KCNK2: variants seen among roughly 807,000 people sequenced by gnomAD.
KCNK2 encodes potassium channel subfamily K member 2.
In KCNK2, 21 loss-of-function variants were observed where a neutral mutation model predicts 40.5. That is an observed-to-expected ratio of 0.52 (90% CI 0.37 to 0.75). The LOEUF (loss-of-function observed/expected upper bound fraction) is 0.75. Among genes scored for constraint, KCNK2 ranks in the 30% least tolerant of loss-of-function variants. The probability of loss-of-function intolerance (pLI) is 0.00; values close to 1 mark genes in which losing one functional copy is unlikely to be tolerated. For missense variants in KCNK2, 399 were observed against 531.6 expected, an observed-to-expected ratio of 0.75 and a Z score of 2.45; for synonymous variants, 191 against 202.2, an observed-to-expected ratio of 0.94 and a Z score of 0.47.
intron 1 of KCNK2, among the ~76,000 whole-genome samples, chr1:215,072,121 G>A (rs1440979546): frequency 6.6e-6 from 1 of 152,166 alleles, no homozygotes; most frequent in African/African-American, 2.4e-5. Flanking sequence ...GTTGAAGTGA[G>A]ATATTTTAAC....
intron 5 of KCNK2, among the ~76,000 whole-genome samples, chr1:215,193,843 G>A (rs1039762734): frequency 3.3e-5 from 5 of 151,976 alleles, no homozygotes; most frequent in South Asian, 2.1e-4. Flanking sequence ...CCCAATACAT[G>A]TGGAGATTCA....
chr1:215,104,905 A>G (rs1313980514), intron 2 of KCNK2, among the ~76,000 whole-genome samples: 1 of 151,760 alleles, frequency 6.6e-6, no homozygotes, highest in African/African-American at 2.4e-5. Flanking sequence ...TCATAACCTG[A>G]TTATCTCATT....
rs543257957 is a variant in KCNK2 at position 215,194,901 on chromosome 1, G to T, written c.824-52G>T. 7.0e-6 allele frequency: 11 copies of T among 1,573,396 alleles called. No homozygotes were observed. In the East Asian group the frequency reaches 2.5e-4, roughly 36 times the overall value. ...TAGTAATTTTAGCAATACCTAGATT[G>T]TTTACTTTTAAGACTATGAAGTTAT... On this transcript the variant is annotated intron_variant, in intron 5 of 6. Coordinates refer to ENST00000444842, the MANE Select transcript of KCNK2 (RefSeq NM_001017425.3).
intron 1 of KCNK2, among the ~76,000 whole-genome samples, chr1:215,018,845 T>A (rs1656684582): frequency 6.6e-6 from 1 of 152,074 alleles, no homozygotes; most frequent in East Asian, 1.9e-4. Flanking sequence ...TCTTAAAAGA[T>A]CACCCTGGCT....
chr1:215,103,684 A>G (rs184545177), intron 2 of KCNK2, among the ~76,000 whole-genome samples: 1 of 152,208 alleles, frequency 6.6e-6, no homozygotes, highest in African/African-American at 2.4e-5. Flanking sequence ...GTTATTTTAT[A>G]ATAATGATAT....
At chr1:215,082,085 C>G (rs1343716381), upstream of KCNK2, 2 of 152,204 alleles carry the variant, frequency 1.3e-5, no homozygotes, top group African/African-American at 2.4e-5. Flanking sequence ...CTGAGAGAAC[C>G]TAACCGGGTT....
intron 1 of KCNK2, among the ~76,000 whole-genome samples, chr1:215,019,002 A>C (rs1425227247): frequency 3.6e-5 from 5 of 139,446 alleles, no homozygotes; most frequent in South Asian, 2.9e-4. Flanking sequence ...CACACACAAA[A>C]AAAAAACCAT....
At chr1:215,223,241 T>TAAAAAGAAAAAAAA (rs1666252134) in intron 6 of KCNK2, among the ~76,000 whole-genome samples, 1 of 112,054 alleles carries the variant, frequency 8.9e-6, no homozygotes, top group Non-Finnish European at 1.8e-5. Context: ...AGCTCTTTTC[T>TAAAAAGAAAAAAAA]AAAAAAAAAA....
intron 1 of KCNK2, among the ~76,000 whole-genome samples, chr1:215,025,961 C>T (rs1201758239): frequency 6.6e-6 from 1 of 152,056 alleles, no homozygotes; most frequent in Non-Finnish European, 1.5e-5. Flanking sequence ...TACCAATTTA[C>T]ATTTTTAGCA....
chr1:215,214,745 G>C (rs184284597), intron 6 of KCNK2, among the ~76,000 whole-genome samples: 1 of 152,078 alleles, frequency 6.6e-6, no homozygotes, highest in Non-Finnish European at 1.5e-5. Flanking sequence ...AGGATGGCTT[G>C]AGCCCGGGAG....
chr1:215,175,372 A>C (rs1310681587), intron 5 of KCNK2, among the ~76,000 whole-genome samples: 2 of 152,174 alleles, frequency 1.3e-5, no homozygotes, highest in Non-Finnish European at 2.9e-5. Flanking sequence ...TTTTTATTTA[A>C]TGAAGGGAAT....
intron 3 of KCNK2, among the ~76,000 whole-genome samples, chr1:215,125,777 T>TATATATATATAA (rs1351841467): frequency 4.7e-5 from 2 of 42,428 alleles, no homozygotes; most frequent in Non-Finnish European, 1.3e-4. Flanking sequence ...TATATATATA[T>TATATATATATAA]AAAATAAAAT....
intron 1 of KCNK2, among the ~76,000 whole-genome samples, chr1:215,063,489 C>T (rs1167739702): frequency 3.3e-5 from 5 of 152,192 alleles, no homozygotes. Flanking sequence ...GCATTTTGGA[C>T]TTTCTACTCA....
At chr1:215,154,317 G>A (rs576676439) in intron 3 of KCNK2, among the ~76,000 whole-genome samples, 9 of 152,100 alleles carry the variant, frequency 5.9e-5, no homozygotes, top group African/African-American at 1.9e-4. Flanking sequence ...TCTCACTGTG[G>A]TTTTGATTTG....
intron 3 of KCNK2, among the ~76,000 whole-genome samples, chr1:215,161,827 T>C (rs574045028): frequency 6.6e-6 from 1 of 152,226 alleles, no homozygotes; most frequent in Admixed American, 6.5e-5. Flanking sequence ...AGTTTGTCAT[T>C]GATGGGCATT....
intron 1 of KCNK2, among the ~76,000 whole-genome samples, chr1:215,052,321 G>C (rs768110437): frequency 2.0e-5 from 3 of 152,280 alleles, no homozygotes; most frequent in Non-Finnish European, 4.4e-5. Context: ...CTTGATTGCA[G>C]TTTTAAAAAT....
At chr1:215,115,127 CTTTTGT>C (rs1297336365) in intron 2 of KCNK2, among the ~76,000 whole-genome samples, 1 of 151,496 alleles carries the variant, frequency 6.6e-6, no homozygotes, top group African/African-American at 2.4e-5. Flanking sequence ...GGAAAAAATC[CTTTTGT>C]TTTTAAAACT....
chr1:215,140,223 ACTTTT>A (rs944958875), intron 3 of KCNK2, among the ~76,000 whole-genome samples: 5 of 152,152 alleles, frequency 3.3e-5, no homozygotes, highest in Admixed American at 2.6e-4. Context: ...GTCTGTCTTT[ACTTTT>A]CTAAGGGGGA....
intron 1 of KCNK2, among the ~76,000 whole-genome samples, chr1:215,014,823 T>A (rs1656530215): frequency 6.6e-6 from 1 of 152,142 alleles, no homozygotes; most frequent in Non-Finnish European, 1.5e-5. Context: ...GTAAGTTCCA[T>A]AGAGAGATGA....
Sources: gnomAD v4.1 joint callset for allele counts (sites outside exome capture counted in the v4.1 genomes callset) on GRCh38, gnomAD v4.1.1 for gene constraint, MANE v1.5 for transcripts, NCBI Gene and HGNC (gene_info 2026-07-23, HGNC 2026-07-21) for gene names.